LRRTM4: variants seen among roughly 807,000 people sequenced by gnomAD.
The protein encoded by LRRTM4 is leucine-rich repeat transmembrane neuronal protein 4.
In LRRTM4, 25 loss-of-function variants were observed where a neutral mutation model predicts 47.6. The ratio of observed to expected loss-of-function variants is 0.53; its 90% CI spans 0.38 to 0.73. The LOEUF is 0.73. LRRTM4 is among the 30% of genes least tolerant of loss of function. The pLI is 0.00. For synonymous variants in LRRTM4, 311 were observed against 269.5 expected (o/e 1.15, Z -1.51); for missense variants, 638 against 713.4 (o/e 0.89, Z 1.20).
At chr2:77,373,137 TAAACTCAAAAACAA>T (rs969097471) in intron 3 of LRRTM4, among the ~76,000 whole-genome samples, 3 of 147,442 alleles carry the variant, frequency 2.0e-5, no homozygotes, top group African/African-American at 7.4e-5. Flanking sequence ...ACTATATATA[TAAACTCAAAAACAA>T]AAACTAGGAA....
At chr2:77,362,142 AAAG>A (rs1300451658) in intron 3 of LRRTM4, among the ~76,000 whole-genome samples, 1 of 137,912 alleles carries the variant, frequency 7.3e-6, no homozygotes, top group South Asian at 2.2e-4. Flanking sequence ...AGAAAGAAAG[AAAG>A]AAAGAAAGAA....
At chr2:76,802,853 G>C (rs114176298) in intron 3 of LRRTM4, among the ~76,000 whole-genome samples, 2,409 of 152,156 alleles carry the variant, frequency 0.016, 70 homozygotes, top group African/African-American at 0.056. Context: ...GATGGAGAAA[G>C]GACACGCTCA....
chr2:77,244,667 A>G (rs1388540477), intron 3 of LRRTM4, among the ~76,000 whole-genome samples: 1 of 152,126 alleles, frequency 6.6e-6, no homozygotes, highest in Non-Finnish European at 1.5e-5. Context: ...ATAAGAAATA[A>G]AATGTGGCAA....
intron 3 of LRRTM4, among the ~76,000 whole-genome samples, chr2:77,446,914 A>G (rs1184532487): frequency 6.6e-6 from 1 of 152,148 alleles, no homozygotes; most frequent in Non-Finnish European, 1.5e-5. Context: ...TTAAGAATAA[A>G]TTTGAAACTT....
intron 3 of LRRTM4, among the ~76,000 whole-genome samples, chr2:77,445,514 T>C (rs995285269): frequency 1.3e-5 from 2 of 152,018 alleles, no homozygotes; most frequent in African/African-American, 2.4e-5. Flanking sequence ...GCTTTCTCCT[T>C]AATCTTCAAA....
chr2:77,179,798 T>C (rs994924383), intron 3 of LRRTM4, among the ~76,000 whole-genome samples: 4 of 152,084 alleles, frequency 2.6e-5, no homozygotes, highest in African/African-American at 7.2e-5. Flanking sequence ...ATAGTCAAAA[T>C]TGAAAAGCAT....
chr2:76,929,573 G>A (rs913355287), intron 3 of LRRTM4, among the ~76,000 whole-genome samples: 2 of 152,126 alleles, frequency 1.3e-5, no homozygotes, highest in Non-Finnish European at 2.9e-5. Context: ...TGCACTTACA[G>A]TGAGAAAGTC....
intron 3 of LRRTM4, among the ~76,000 whole-genome samples, chr2:76,881,527 A>G (rs1004963769): frequency 2.1e-5 from 3 of 145,102 alleles, no homozygotes; most frequent in African/African-American, 5.1e-5. Context: ...TTATGTTTCC[A>G]GTTTTTCCTC....
At chr2:76,882,477 A>G (rs1672960091) in intron 3 of LRRTM4, among the ~76,000 whole-genome samples, 1 of 151,870 alleles carries the variant, frequency 6.6e-6, no homozygotes. Context: ...AGATCTCTTG[A>G]GCTTAGGAGT....
intron 3 of LRRTM4, among the ~76,000 whole-genome samples, chr2:77,431,199 C>T (rs1675363977): frequency 6.7e-6 from 1 of 148,946 alleles, no homozygotes; most frequent in South Asian, 2.1e-4. Flanking sequence ...TCTATGCATG[C>T]TTTCGATTTT....
At chr2:77,088,435 TC>T (rs1410711879) in intron 3 of LRRTM4, among the ~76,000 whole-genome samples, 1 of 152,138 alleles carries the variant, frequency 6.6e-6, no homozygotes, top group Non-Finnish European at 1.5e-5. Flanking sequence ...TCCTGGCTCA[TC>T]CTGGCTCAAA....
intron 3 of LRRTM4, among the ~76,000 whole-genome samples, chr2:77,434,345 T>C (rs1236497581): frequency 6.6e-6 from 1 of 151,080 alleles, no homozygotes; most frequent in Admixed American, 6.6e-5. Context: ...AACAGGCCAA[T>C]AGTGACCAAG....
At chr2:77,095,508 CT>C (rs373406392) in intron 3 of LRRTM4, among the ~76,000 whole-genome samples, 4,595 of 143,862 alleles carry the variant, frequency 0.032, 209 homozygotes, top group African/African-American at 0.1. Context: ...CATATGCAAA[CT>C]TTTTTTTTTT....
chr2:77,183,772 G>A (rs988083798), intron 3 of LRRTM4, among the ~76,000 whole-genome samples: 15 of 152,132 alleles, frequency 9.9e-5, no homozygotes, highest in African/African-American at 3.6e-4. Flanking sequence ...ATGAGTTCAT[G>A]TCCTTTGTAG....
In LRRTM4 at chr2:76,783,263, C is replaced by G. The variant is rs146959705; in HGVS notation, c.1552-34347G>C. Among the ~76,000 whole-genome samples the G allele has an allele frequency of 4.6e-3, 695 of 152,226 alleles. 9 individuals carry two copies. The highest frequency in any genetic ancestry group is 0.016 in the African/African-American group (665 of 41,534). ...TTTCATCAGGTTACGTTGGTGATAT[C>G]TGGGAATCCACCTTTCCATACATGA... On this transcript the variant is annotated intron_variant, in intron 3 of 3. Coordinates refer to ENST00000409884, the MANE Select transcript of LRRTM4 (RefSeq NM_001134745.3).
intron 3 of LRRTM4, among the ~76,000 whole-genome samples, chr2:76,792,007 C>T (rs867429851): frequency 6.6e-6 from 1 of 152,070 alleles, no homozygotes; most frequent in Admixed American, 6.6e-5. Context: ...CAGTTTTCTC[C>T]ATTATATTGT....
intron 3 of LRRTM4, among the ~76,000 whole-genome samples, chr2:77,458,407 C>T (rs1292657280): frequency 6.6e-6 from 1 of 152,006 alleles, no homozygotes; most frequent in African/African-American, 2.4e-5. Flanking sequence ...TTAGAGCTGG[C>T]ACCACTCTCT....
At chr2:76,925,467 C>G (rs949169739) in intron 3 of LRRTM4, among the ~76,000 whole-genome samples, 1 of 152,054 alleles carries the variant, frequency 6.6e-6, no homozygotes, top group African/African-American at 2.4e-5. Flanking sequence ...GCTTTCTGAC[C>G]TATAGAACTT....
intron 3 of LRRTM4, among the ~76,000 whole-genome samples, chr2:77,036,058 A>G (rs561653983): frequency 6.6e-6 from 1 of 151,986 alleles, no homozygotes; most frequent in African/African-American, 2.4e-5. Flanking sequence ...TTACTACATA[A>G]AAGCTAAAGA....
Sources: gnomAD v4.1 joint callset for allele counts (sites outside exome capture counted in the v4.1 genomes callset) on GRCh38, gnomAD v4.1.1 for gene constraint, MANE v1.5 for transcripts, NCBI Gene and HGNC (gene_info 2026-07-23, HGNC 2026-07-21) for gene names.